The following ADISSP variants were observed in gnomAD, a reference collection of about 807,000 sequenced individuals.
ADISSP encodes the protein adipose-secreted signaling protein.
the ADISSP span, among the ~76,000 whole-genome samples, chr20:3,758,980 C>T: frequency 1.3e-5 from 2 of 152,322 alleles, no homozygotes; most frequent in African/African-American, 4.8e-5. This position sits in a 1 kb window ranked among gnomAD's most constrained non-coding sequence, Gnocchi z 5.5. Context: ...GACAGTCTTC[C>T]AGACTCCCAC....
the ADISSP span, among the ~76,000 whole-genome samples, chr20:3,756,274 C>T: frequency 6.6e-6 from 1 of 152,254 alleles, no homozygotes; most frequent in Non-Finnish European, 1.5e-5. Context: ...TGCCTGCCCA[C>T]TCAAAGGCTG....
At chr20:3,757,924 C>T in the ADISSP span, among the ~76,000 whole-genome samples, 4 of 152,034 alleles carry the variant, frequency 2.6e-5, no homozygotes, top group Admixed American at 6.6e-5. Context: ...GACCCAAGGG[C>T]ACTCCTGTTC....
At chr20:3,754,039 G>A in the ADISSP span, 48 of 1,586,742 alleles carry the variant, frequency 3.0e-5, no homozygotes, top group Non-Finnish European at 4.0e-5. Context: ...GGGGCCCGGG[G>A]CAGGCGGGGC....
At chr20:3,755,251 T>C in the ADISSP span, among the ~76,000 whole-genome samples, 2 of 152,086 alleles carry the variant, frequency 1.3e-5, no homozygotes, top group Admixed American at 6.5e-5. Flanking sequence ...CATCACACCA[T>C]GGGCAGGTAC....
chr20:3,754,032 G>T, the ADISSP span: 1 of 1,564,776 alleles, frequency 6.4e-7, no homozygotes, highest in Non-Finnish European at 8.8e-7. Flanking sequence ...AGGCTGAGGG[G>T]CCCGGGGCAG....
chr20:3,753,948 C>T, the ADISSP span: 3 of 824,526 alleles, frequency 3.6e-6, no homozygotes, highest in Non-Finnish European at 4.0e-6. Flanking sequence ...CCACTCCACC[C>T]CCACACCCAC....
chr20:3,757,743 C>T, the ADISSP span, among the ~76,000 whole-genome samples: 3 of 152,152 alleles, frequency 2.0e-5, no homozygotes, highest in East Asian at 5.8e-4. Flanking sequence ...ATTCTTCTGC[C>T]TCAGCCTCCC....
At chr20:3,766,769 C>T in the ADISSP span, among the ~76,000 whole-genome samples, 1 of 152,182 alleles carries the variant, frequency 6.6e-6, no homozygotes, top group Non-Finnish European at 1.5e-5. Context: ...CTACATTTTC[C>T]CTCCACAAAA....
chr20:3,763,217 C>T, the ADISSP span, among the ~76,000 whole-genome samples: 7 of 144,060 alleles, frequency 4.9e-5, no homozygotes, highest in African/African-American at 1.8e-4. Flanking sequence ...GATCCCGCCA[C>T]TGCACTCCAG....
chr20:3,755,019 C>T, the ADISSP span, among the ~76,000 whole-genome samples: 1 of 152,154 alleles, frequency 6.6e-6, no homozygotes, highest in Admixed American at 6.5e-5. Flanking sequence ...CTAGCCTCTG[C>T]CAGGCTGGGA....
the ADISSP span, among the ~76,000 whole-genome samples, chr20:3,759,228 G>GCT: frequency 4.6e-4 from 70 of 152,320 alleles, no homozygotes; most frequent in African/African-American, 1.6e-3. This position sits in a 1 kb window ranked among gnomAD's most constrained non-coding sequence, Gnocchi z 4.6. Flanking sequence ...CAGGCCACCT[G>GCT]GGCGAGGCTG....
chr20:3,756,312 A>T, the ADISSP span, among the ~76,000 whole-genome samples: 12 of 152,336 alleles, frequency 7.9e-5, no homozygotes, highest in African/African-American at 2.4e-4. Flanking sequence ...TCACGACCCA[A>T]GCAATTTCTG....
chr20:3,753,972 G>C, the ADISSP span: 4 of 1,039,306 alleles, frequency 3.8e-6, no homozygotes, highest in Non-Finnish European at 5.9e-6. Flanking sequence ...AGAGAGGGGC[G>C]AGGAAGCCAC....
chr20:3,762,698 A>C, the ADISSP span, among the ~76,000 whole-genome samples: 8 of 152,226 alleles, frequency 5.3e-5, no homozygotes, highest in Non-Finnish European at 1.2e-4. Context: ...ACTACACTTC[A>C]TTCACTTACA....
At chr20:3,755,389 C>A in the ADISSP span, 3 of 1,393,572 alleles carry the variant, frequency 2.2e-6, no homozygotes, top group Non-Finnish European at 1.0e-6. Context: ...AGCTGCCCAT[C>A]CACCCTAGTT....
At chr20:3,754,367 C>T in the ADISSP span, 2 of 1,605,242 alleles carry the variant, frequency 1.2e-6, no homozygotes, top group Non-Finnish European at 1.7e-6. Flanking sequence ...TTGTGCATCC[C>T]TCCTCCAACC....
At chr20:3,759,874 C>A in the ADISSP span, 2 of 754,358 alleles carry the variant, frequency 2.7e-6, no homozygotes, top group Non-Finnish European at 4.5e-6. The surrounding 1 kb of genome is among the most constrained non-coding windows in gnomAD (Gnocchi z 4.6). Flanking sequence ...CAGGGCTCTG[C>A]AGGGGTCCTG....
chr20:3,763,552 C>T, the ADISSP span, among the ~76,000 whole-genome samples: 11 of 104,112 alleles, frequency 1.1e-4, no homozygotes, highest in East Asian at 2.5e-3. Context: ...AGCAAAACTC[C>T]GTCTCAAAAA....
chr20:3,756,848 G>A, the ADISSP span, among the ~76,000 whole-genome samples: 146,456 of 152,286 alleles, frequency 0.96, 70,497 homozygotes, highest in African/African-American at 0.99. Context: ...ATGATGACAC[G>A]TATCATGGAC....
Sources: allele counts gnomAD v4.1 joint callset (sites outside exome capture counted in the v4.1 genomes callset), GRCh38; gene constraint gnomAD v4.1.1; non-coding constraint Gnocchi (gnomAD v3.1); transcripts MANE v1.5; gene names NCBI Gene and HGNC (gene_info 2026-07-23, HGNC 2026-07-21).